Variants in FKBP7 observed in about 807,000 individuals in gnomAD.
FKBP7 encodes FKBP prolyl isomerase 7.
FKBP7 carries 24 observed loss-of-function variants against 24.3 expected under a neutral mutation model. The ratio of observed to expected loss-of-function variants is 0.99; its 90% CI spans 0.72 to 1.39. FKBP7 has a LOEUF of 1.39. Among genes scored for constraint, FKBP7 ranks in the 40% most tolerant of loss-of-function variants. FKBP7 has a pLI of 0.00. For missense variants in FKBP7, 257 were observed against 269.5 expected (o/e 0.95, Z 0.33); for synonymous variants, 98 against 92.8 (o/e 1.06, Z -0.32).
rs993410016 is a variant in FKBP7, at chr2:178,469,969, GT to G, written c.374-185del. On this transcript the variant is annotated intron_variant, in intron 2 of 3. Transcript: ENST00000424785. ...CGGCTTTTCAATAGTTTTCTTTTTTGTTTTTTTTTCTCTTTTTTTTATAAAT... is the reference window on the plus strand; with the variant it reads ...CGGCTTTTCAATAGTTTTCTTTTTTGTTTTTTTTCTCTTTTTTTTATAAAT... 4.9e-5 allele frequency among the ~76,000 whole-genome samples: 7 copies of G among 143,094 alleles called. No homozygotes were observed. In the South Asian group the frequency reaches 6.7e-4, roughly 14 times the overall value. 93.9% of individuals were successfully genotyped at this position (143,094 alleles called of 152,430 possible).
chr2:178,476,929 G>T, intron 2 of FKBP7, 133 bp downstream of exon 2: 1 of 635,106 alleles, frequency 1.6e-6, no homozygotes. Context: ...ATTGTACATG[G>T]CTGCTATGAG....
At chr2:178,477,541 T>C (rs1035464613) in intron 1 of FKBP7, among the ~76,000 whole-genome samples, 1 of 152,118 alleles carries the variant, frequency 6.6e-6, no homozygotes, top group African/African-American at 2.4e-5. Flanking sequence ...CTGGGTTTGT[T>C]GTAAAAAAAT....
At chr2:178,475,718 T>C (rs970862422) in intron 2 of FKBP7, among the ~76,000 whole-genome samples, 1 of 152,218 alleles carries the variant, frequency 6.6e-6, no homozygotes. Flanking sequence ...TTAAAGGCCA[T>C]TTGTAGTTTT....
Position 178,477,030 on chromosome 2 carries a change from C to T in FKBP7, c.373+32G>A, listed in dbSNP as rs1156364070. On this transcript the variant is annotated intron_variant, in intron 2 of 3. Transcript: ENST00000424785. ...TCTATTAATCATTTTTTAAATATAA[C>T]TAAAACAAGAAATTAAAATTAAACA... The T allele has an allele frequency of 3.3e-6, 5 of 1,493,074 alleles. No individual in the cohort carries two copies. In the Admixed American group the frequency reaches 8.5e-5, roughly 25 times the overall value. 92.5% of individuals were successfully genotyped at this position (1,493,074 alleles called of 1,614,324 possible). A position where few individuals can be genotyped will look rare whatever the true frequency, so the allele number is the denominator to read the frequency against.
chr2:178,470,529 T>C (rs115610296), intron 2 of FKBP7, among the ~76,000 whole-genome samples: 2,072 of 152,368 alleles, frequency 0.014, 27 homozygotes, highest in Middle Eastern at 0.048. Context: ...TTGCAAAGCA[T>C]AGATGAGTCA....
chr2:178,474,011 G>T (rs1684930165), intron 2 of FKBP7, among the ~76,000 whole-genome samples: 1 of 152,122 alleles, frequency 6.6e-6, no homozygotes, highest in Non-Finnish European at 1.5e-5. Context: ...CTGACTCAAA[G>T]CACTGACACC....
At chr2:178,476,170 G>A (rs1386171767) in intron 2 of FKBP7, among the ~76,000 whole-genome samples, 1 of 152,120 alleles carries the variant, frequency 6.6e-6, no homozygotes, top group African/African-American at 2.4e-5. Flanking sequence ...TAATCATCAT[G>A]AGTGTTGCCA....
intron 2 of FKBP7, among the ~76,000 whole-genome samples, chr2:178,471,211 ATT>A (rs759186080): frequency 1.2e-4 from 15 of 129,882 alleles, no homozygotes; most frequent in Admixed American, 2.4e-4. Context: ...GATGTCACAG[ATT>A]TTTTTTTTTT....
chr2:178,474,034 G>T (rs760559983), intron 2 of FKBP7, among the ~76,000 whole-genome samples: 1 of 152,108 alleles, frequency 6.6e-6, no homozygotes. Flanking sequence ...CCCACCACCC[G>T]CCAATCCAGT....
Position 178,465,689 on chromosome 2 carries a change from T to C in FKBP7, c.*81A>G. On this transcript the variant is annotated 3_prime_UTR_variant, in exon 4 of 4. Transcript: ENST00000424785. The stretch of plus-strand genomic sequence containing the variant: ...CTTCTCATAGGGGAAAAATAGCAAA[T>C]ACAACTTGGAGAAAAGTGACTTTGT... 1 of 1,306,654 alleles carries C rather than the reference T, an allele frequency of 7.7e-7. No individual in the cohort carries two copies. Among genetic ancestry groups the C allele is most frequent in the Non-Finnish European group, 1.0e-6 (1 of 989,886 alleles). The allele number at this position is 1,306,654 out of a possible 1,614,324, so 80.9% of individuals were successfully genotyped here.
At chr2:178,471,134 G>A (rs1157814794) in intron 2 of FKBP7, among the ~76,000 whole-genome samples, 1 of 151,790 alleles carries the variant, frequency 6.6e-6, no homozygotes, top group Non-Finnish European at 1.5e-5. Flanking sequence ...CTAAGTGCTA[G>A]GATTACAGAT....
intron 3 of FKBP7, chr2:178,467,702 T>C (rs1684713054): frequency 6.6e-6 from 1 of 152,238 alleles, no homozygotes; most frequent in South Asian, 2.1e-4. Flanking sequence ...GGGGAAATTG[T>C]AGATAAGTAG....
chr2:178,466,143 A>G (rs1179552046), intron 3 of FKBP7, among the ~76,000 whole-genome samples: 1 of 152,172 alleles, frequency 6.6e-6, no homozygotes, highest in Non-Finnish European at 1.5e-5. Flanking sequence ...TTTCCCTAAG[A>G]TGATAGATGG....
At chr2:178,475,087 A>T (rs766959866) in intron 2 of FKBP7, among the ~76,000 whole-genome samples, 8 of 152,198 alleles carry the variant, frequency 5.3e-5, no homozygotes, top group Non-Finnish European at 1.0e-4. Flanking sequence ...AATTTATTTA[A>T]CTAATTTCCT....
intron 3 of FKBP7, among the ~76,000 whole-genome samples, chr2:178,468,568 G>A (rs1282895246): frequency 6.6e-6 from 1 of 151,786 alleles, no homozygotes; most frequent in Non-Finnish European, 1.5e-5. Context: ...GGTGCAGTGA[G>A]CTATGATCAC....
intron 2 of FKBP7, among the ~76,000 whole-genome samples, chr2:178,470,797 A>C (rs1406336380): frequency 6.6e-6 from 1 of 152,106 alleles, no homozygotes; most frequent in Non-Finnish European, 1.5e-5. Flanking sequence ...AAAAAAAAAA[A>C]GAATTAAAAT....
chr2:178,475,830 G>A (rs1428013465), intron 2 of FKBP7, among the ~76,000 whole-genome samples: 2 of 151,956 alleles, frequency 1.3e-5, no homozygotes, highest in Non-Finnish European at 2.9e-5. Context: ...CATTTTTCCC[G>A]CTTATTTGCT....
Position 178,464,484 on chromosome 2 carries a change from G to T in FKBP7, c.*1286C>A, listed in dbSNP as rs1280908793. ...AAGGACTTTCTTCACAAGGTGGCGG[G>T]TGGGAGAATGAATGCAAGAGGAACT... is the stretch of plus-strand genomic sequence containing the variant. On this transcript the variant is annotated 3_prime_UTR_variant, in exon 4 of 4. Transcript: ENST00000424785. 6.6e-6 allele frequency: 1 copy of T among 152,216 alleles called. No individual in the cohort carries two copies. The highest frequency in any genetic ancestry group is 2.4e-5 in the African/African-American group (1 of 41,452). The allele number at this position is 152,216 out of a possible 1,614,324, so 9.4% of individuals were successfully genotyped here. A position where few individuals can be genotyped will look rare whatever the true frequency, so the allele number is the denominator to read the frequency against.
At chr2:178,467,312 C>A (rs552507016) in intron 3 of FKBP7, among the ~76,000 whole-genome samples, 2 of 152,086 alleles carry the variant, frequency 1.3e-5, no homozygotes, top group Non-Finnish European at 2.9e-5. Flanking sequence ...CCGTCCTTTC[C>A]GTCTTTATTA....
Sources: gnomAD v4.1 joint callset for allele counts (sites outside exome capture counted in the v4.1 genomes callset) on GRCh38, gnomAD v4.1.1 for gene constraint, MANE v1.5 for transcripts, NCBI Gene and HGNC (gene_info 2026-07-23, HGNC 2026-07-21) for gene names.